The following FSD2 variants were observed in gnomAD, a reference collection of about 807,000 sequenced individuals.
FSD2 encodes fibronectin type III and SPRY domain-containing protein 2.
A neutral mutation model predicts 80.4 loss-of-function variants in FSD2; 71 were observed. That is an observed-to-expected ratio of 0.88 (90% CI 0.73 to 1.08). The LOEUF is 1.08. Among genes scored for constraint, FSD2 ranks in the 50% least tolerant of loss-of-function variants. The probability of loss-of-function intolerance (pLI) is 0.00; values close to 1 mark genes in which losing one functional copy is unlikely to be tolerated. For synonymous variants in FSD2, 361 were observed against 329.5 expected (o/e 1.10, Z -1.03); for missense variants, 923 against 913.8 (o/e 1.01, Z -0.13).
intron 12 of FSD2, among the ~76,000 whole-genome samples, chr15:82,759,991 A>T (rs2049254151): frequency 6.6e-6 from 1 of 152,090 alleles, no homozygotes; most frequent in Admixed American, 6.5e-5. Flanking sequence ...ACAGGGTTTC[A>T]CTGTGTTGCC....
rs1405046739 is a variant in FSD2 at position 82,762,061 on chromosome 15, A to G, written c.1997+41T>C. On this transcript the variant is annotated intron_variant, in intron 12 of 12. Transcript: ENST00000334574. The stretch of plus-strand genomic sequence containing the variant: ...TGAAAAGGTCTTGCTGTAATCTTTC[A>G]AAAGCAAATTTTAATTGTGAGTATC... 3 of 1,503,946 alleles carry G rather than the reference A, an allele frequency of 2.0e-6. No homozygotes were observed. The South Asian group carries it at 3.9e-5, about 20-fold the overall frequency. The allele number at this position is 1,503,946 out of a possible 1,614,324, so 93.2% of individuals were successfully genotyped here.
intron 1 of FSD2, among the ~76,000 whole-genome samples, chr15:82,792,596 T>G (rs1339006953): frequency 6.6e-6 from 1 of 152,228 alleles, no homozygotes; most frequent in East Asian, 1.9e-4. Flanking sequence ...TGATGTCCCC[T>G]GAAGCACAAA....
chr15:82,767,430 G>C (rs759024234), intron 9 of FSD2, among the ~76,000 whole-genome samples: 6 of 152,248 alleles, frequency 3.9e-5, no homozygotes, highest in Non-Finnish European at 7.3e-5. Context: ...GGGATCTTGA[G>C]AGGGAGGGGA....
rs1197513954 is a variant in FSD2 at position 82,762,138 on chromosome 15, A to G, written c.1961T>C (p.Leu654Pro). ...RKQEDLGANCLSWCMRHTFAS... is the reference protein window; with the variant it reads ...RKQEDLGANCPSWCMRHTFAS... ...AAATGTGTGCCTCATGCACCAGGAG[A>G]GGCAATTTGCTCCCAGATCCTCCTG... The change falls in exon 12 of 13, where the codon CTC (leucine) becomes CCC (proline). Residue 654 changes from leucine to proline, a missense_variant. Physicochemically the swap from Leu to Pro is moderately conservative, Grantham distance 98. Transcript: ENST00000334574. 3 of 1,609,938 alleles carry G rather than the reference A, an allele frequency of 1.9e-6. No individual in the cohort carries two copies. The highest frequency in any genetic ancestry group is 2.5e-6 in the Non-Finnish European group (3 of 1,177,982).
rs1567311519 is a variant in FSD2 at position 82,782,960 on chromosome 15, A to G, written c.801T>C (p.Ala267=). The G allele has an allele frequency of 6.2e-7, 1 of 1,613,660 alleles. No individual in the cohort carries two copies. Among genetic ancestry groups the G allele is most frequent in the Non-Finnish European group, 8.5e-7 (1 of 1,179,860 alleles). The change falls in exon 4 of 13, where the codon GCT becomes GCC. Residue 267 remains alanine, a synonymous_variant. Transcript: ENST00000334574. ...CTTGTATTTTTTCCTCATATTTTTG[A>G]GCAAGTGTTTCCAAGATCTCGTTGT... The part of the protein sequence containing the change: ...SHYNEILETL[A]QKYEEKIQAL...
intron 1 of FSD2, among the ~76,000 whole-genome samples, chr15:82,796,647 G>T (rs1455981079): frequency 6.6e-6 from 1 of 152,126 alleles, no homozygotes; most frequent in Non-Finnish European, 1.5e-5. Flanking sequence ...CTAGTTCATT[G>T]TCCCAGACTA....
chr15:82,782,026 T>C (rs1440523372), intron 4 of FSD2, among the ~76,000 whole-genome samples: 6 of 147,724 alleles, frequency 4.1e-5, no homozygotes, highest in African/African-American at 1.5e-4. Context: ...ATCGTGCCAC[T>C]GCACTCCAGC....
intron 5 of FSD2, among the ~76,000 whole-genome samples, chr15:82,779,305 T>C (rs2049795595): frequency 6.6e-6 from 1 of 152,250 alleles, no homozygotes; most frequent in South Asian, 2.1e-4. Context: ...TTGCTGATCA[T>C]GGGACTCGGG....
In FSD2 at chr15:82,765,909, A is replaced by G. The variant is rs1380167999; in HGVS notation, c.1676T>C (p.Val559Ala). Residue 559 changes from valine (V) to alanine (A), a missense_variant, in exon 10 of 13, where the codon GTC becomes GCC. Physicochemically the swap from Val to Ala is moderately conservative, Grantham distance 64. Transcript: ENST00000334574. ...GCTGGGGCACAGACCTATGGTGTGGACTGTAGCTGGCTCGCTCCTCACGCT... is the reference window on the plus strand; with the variant it reads ...GCTGGGGCACAGACCTATGGTGTGGGCTGTAGCTGGCTCGCTCCTCACGCT... ...GPSVRSEPAT[V>A]HTIGSYFRLN... is the part of the protein sequence containing the mutation. The G allele has an allele frequency of 1.9e-6, 3 of 1,610,158 alleles. No homozygotes were observed. The highest frequency in any genetic ancestry group is 1.7e-5 in the Admixed American group (1 of 59,634).
Position 82,759,523 on chromosome 15 carries a change from A to G in FSD2, c.2075T>C (p.Leu692Pro), listed in dbSNP as rs2049240173. Residue 692 changes from leucine (L) to proline (P), a missense_variant, in exon 13 of 13, where the codon CTA becomes CCA. Physicochemically the swap from Leu to Pro is moderately conservative, Grantham distance 98. Transcript: ENST00000334574. The stretch of plus-strand genomic sequence containing the variant: ...CAACTTTGAATGTTCATAGTCTAAT[A>G]GAATGCCAATCTTCTTTGGTGGAAC... ...ITVPPKKIGI[L>P]LDYEHSKLSF... 6.2e-7 allele frequency: 1 copy of G among 1,610,676 alleles called. No individual in the cohort carries two copies. Among genetic ancestry groups the G allele is most frequent in the Non-Finnish European group, 8.5e-7 (1 of 1,178,096 alleles).
intron 1 of FSD2, among the ~76,000 whole-genome samples, chr15:82,790,177 AACAACAACAACG>A (rs1567317098): frequency 8.9e-6 from 1 of 112,010 alleles, no homozygotes; most frequent in Non-Finnish European, 2.0e-5. Context: ...CTCCGTCTCA[AACAACAACAACG>A]ACAACAACAA....
chr15:82,770,725 T>C lies in FSD2; in HGVS notation c.1268-841A>G, dbSNP rs1302478932. ...ATGTTTGTTATTTTAAGCCACTAAG[T>C]TGTAGGGGGTGGGGAGGGGGTTTGG... On this transcript the variant is annotated intron_variant, in intron 7 of 12. Transcript: ENST00000334574. Among the ~76,000 whole-genome samples the C allele has an allele frequency of 2.0e-5, 3 of 148,134 alleles. No homozygotes were observed. In the Admixed American group the frequency reaches 2.1e-4, roughly 10 times the overall value.
At chr15:82,800,986 A>T (rs1413326063) in intron 1 of FSD2, among the ~76,000 whole-genome samples, 1 of 151,530 alleles carries the variant, frequency 6.6e-6, no homozygotes, top group Non-Finnish European at 1.5e-5. Context: ...CACTAGAAAA[A>T]CTCTCCTACA....
At chr15:82,801,843 G>C (rs1033134821) in intron 1 of FSD2, among the ~76,000 whole-genome samples, 2 of 152,086 alleles carry the variant, frequency 1.3e-5, no homozygotes, top group African/African-American at 4.8e-5. Flanking sequence ...AGCACACAAG[G>C]CACCAGCTCC....
intron 1 of FSD2, among the ~76,000 whole-genome samples, chr15:82,800,846 G>C (rs1306772061): frequency 1.3e-5 from 2 of 152,008 alleles, no homozygotes; most frequent in Non-Finnish European, 2.9e-5. Context: ...CAAATGTGCA[G>C]TTACATTTAA....
At position 82,787,094 on chromosome 15, in the gene FSD2, C is replaced by T. The variant is rs958976866; in HGVS notation, c.297G>A (p.Gly99=). The change falls in exon 2 of 13, where the codon GGG becomes GGA. Residue 99 remains glycine (G), a synonymous_variant. Coordinates refer to ENST00000334574, the MANE Select transcript of FSD2 (RefSeq NM_001007122.4). ...EFVDENIPRT[G]VSEYPPYMMK... is the part of the protein sequence containing the mutation. Reference sequence around the variant, plus strand: ...TCATATAAGGAGGATATTCTGAAACCCCTGTTCTGGGTATGTTTTCATCAA... The same window carrying T: ...TCATATAAGGAGGATATTCTGAAACTCCTGTTCTGGGTATGTTTTCATCAA... 2 of 1,613,962 alleles carry T rather than the reference C, an allele frequency of 1.2e-6. No individual in the cohort carries two copies. Among genetic ancestry groups the T allele is most frequent in the Middle Eastern group, 3.3e-4 (2 of 6,062 alleles).
chr15:82,776,349 A>G (rs551716359), intron 6 of FSD2, among the ~76,000 whole-genome samples: 17 of 152,212 alleles, frequency 1.1e-4, no homozygotes, highest in Non-Finnish European at 2.4e-4. Context: ...TAAATTTGTT[A>G]AGGCTTGTTT....
intron 1 of FSD2, among the ~76,000 whole-genome samples, chr15:82,801,462 G>A (rs547312407): frequency 1.3e-5 from 2 of 152,172 alleles, no homozygotes; most frequent in South Asian, 4.1e-4. Context: ...GTGGGATGTG[G>A]AAGTGTGACT....
At chr15:82,784,125 G>A (rs989052941) in intron 3 of FSD2, among the ~76,000 whole-genome samples, 2 of 152,212 alleles carry the variant, frequency 1.3e-5, no homozygotes, top group Non-Finnish European at 2.9e-5. Context: ...GGAAGAGAGA[G>A]AAAGGCAATA....
Sources: gnomAD v4.1 joint callset for allele counts (sites outside exome capture counted in the v4.1 genomes callset) on GRCh38, gnomAD v4.1.1 for gene constraint, MANE v1.5 for transcripts, NCBI Gene and HGNC (gene_info 2026-07-23, HGNC 2026-07-21) for gene names.